The following OLA1 variants were observed in gnomAD, a reference collection of about 807,000 sequenced individuals.
The protein encoded by OLA1 is obg-like ATPase 1.
OLA1 carries 14 observed loss-of-function variants against 48.4 expected under a neutral mutation model. The ratio of observed to expected loss-of-function variants is 0.29; its 90% CI spans 0.19 to 0.45. The LOEUF (loss-of-function observed/expected upper bound fraction) is 0.45. Among genes scored for constraint, OLA1 ranks in the 20% least tolerant of loss-of-function variants. OLA1 has a pLI of 1.00. For missense variants in OLA1, 325 were observed against 467.1 expected, an observed-to-expected ratio of 0.70 and a Z score of 2.80; for synonymous variants, 127 against 150.4, an observed-to-expected ratio of 0.84 and a Z score of 1.14.
intron 4 of OLA1, among the ~76,000 whole-genome samples, chr2:174,146,511 G>C (rs542810574): frequency 6.6e-6 from 1 of 152,094 alleles, no homozygotes; most frequent in East Asian, 1.9e-4. Context: ...GTAAGATCAT[G>C]AATGAAGATA....
intron 4 of OLA1, among the ~76,000 whole-genome samples, chr2:174,143,410 A>G (rs999261298): frequency 1.3e-5 from 2 of 152,230 alleles, no homozygotes; most frequent in African/African-American, 4.8e-5. Flanking sequence ...GATTTGAGGC[A>G]TCTTATGCAA....
chr2:174,130,987 A>G (rs541704344), intron 5 of OLA1, among the ~76,000 whole-genome samples: 1 of 152,322 alleles, frequency 6.6e-6, no homozygotes, highest in African/African-American at 2.4e-5. Context: ...AATATTTTTA[A>G]TGAAACCAAA....
At chr2:174,154,979 C>A (rs1686838911) in intron 4 of OLA1, among the ~76,000 whole-genome samples, 2 of 152,028 alleles carry the variant, frequency 1.3e-5, no homozygotes, top group Non-Finnish European at 2.9e-5. Flanking sequence ...TTCTGCCTTT[C>A]AAAAAAACCT....
intron 4 of OLA1, among the ~76,000 whole-genome samples, chr2:174,178,146 T>C (rs898805716): frequency 6.6e-6 from 1 of 152,046 alleles, no homozygotes; most frequent in Non-Finnish European, 1.5e-5. Context: ...TAAATGCTTT[T>C]AGGTATAAAA....
chr2:174,081,521 A>G (rs965116686), intron 8 of OLA1, among the ~76,000 whole-genome samples: 5 of 152,102 alleles, frequency 3.3e-5, no homozygotes, highest in African/African-American at 9.7e-5. Context: ...TTCATCCAAA[A>G]TTAATTATTT....
intron 7 of OLA1, among the ~76,000 whole-genome samples, chr2:174,104,678 T>C (rs1319278559): frequency 6.6e-6 from 1 of 152,076 alleles, no homozygotes; most frequent in Admixed American, 6.6e-5. Flanking sequence ...TAAATTAACC[T>C]GTTTCTAGAG....
At chr2:174,203,858 G>A (rs1258915550) in intron 4 of OLA1, among the ~76,000 whole-genome samples, 3 of 149,024 alleles carry the variant, frequency 2.0e-5, no homozygotes, top group South Asian at 2.1e-4. Flanking sequence ...GCAACAGCAC[G>A]ATCTCGGCTC....
intron 2 of OLA1, among the ~76,000 whole-genome samples, chr2:174,242,383 C>T (rs1002461695): frequency 6.6e-6 from 1 of 152,210 alleles, no homozygotes; most frequent in Admixed American, 6.5e-5. Flanking sequence ...GCTGACCTGA[C>T]CGGAGGTGGA....
Sources: gnomAD v4.1 joint callset for allele counts (sites outside exome capture counted in the v4.1 genomes callset) on GRCh38, gnomAD v4.1.1 for gene constraint, MANE v1.5 for transcripts, NCBI Gene and HGNC (gene_info 2026-07-23, HGNC 2026-07-21) for gene names.